Variants in ZNF407 observed in about 807,000 individuals in gnomAD.
ZNF407 encodes the protein zinc finger protein 407.
Under a neutral mutation model 131.2 loss-of-function variants are expected in ZNF407, and 17 were observed. The ratio of observed to expected loss-of-function variants is 0.13; its 90% CI spans 0.09 to 0.19. The LOEUF is 0.19. Among genes scored for constraint, ZNF407 ranks in the 10% least tolerant of loss-of-function variants. The pLI, the probability that ZNF407 is intolerant of heterozygous loss-of-function variation, is 1.00. For synonymous variants in ZNF407, 1,156 were observed against 1,062.0 expected (o/e 1.09, Z -1.72); for missense variants, 2,681 against 2,830.6 (o/e 0.95, Z 1.20).
rs767134314 is a variant in ZNF407 at position 74,631,519 on chromosome 18, C to T, written c.500C>T (p.Pro167Leu). ...MVSLDLERES[P>L]FPPKEISVSC... is the part of the protein sequence containing the mutation. ...TCCCTTGATCTGGAAAGAGAATCTC[C>T]TTTCCCCCCGAAAGAAATTAGTGTT... The change falls in exon 2 of 9, where the codon CCT becomes CTT. Residue 167 changes from proline (P) to leucine (L), a missense_variant. This residue lies in a region of ZNF407 where 1,789 missense variants were observed against 1,748.7 expected (regional missense o/e 1.02). Transcript: ENST00000299687. 4.3e-6 allele frequency: 7 copies of T among 1,613,726 alleles called. No individual in the cohort carries two copies. Among genetic ancestry groups the T allele is most frequent in the Admixed American group, 1.7e-5 (1 of 60,008 alleles).
At chr18:74,958,615 A>G (rs1972304039) in intron 8 of ZNF407, among the ~76,000 whole-genome samples, 10 of 152,206 alleles carry the variant, frequency 6.6e-5, no homozygotes, top group Admixed American at 6.5e-4. Flanking sequence ...CACCTGAGAC[A>G]CAAGCTATGC....
At chr18:74,929,227 T>C (rs987299505) in intron 8 of ZNF407, among the ~76,000 whole-genome samples, 26 of 152,206 alleles carry the variant, frequency 1.7e-4, no homozygotes, top group African/African-American at 6.0e-4. Context: ...ATGGCCTGTA[T>C]GATTCGAGCC....
intron 3 of ZNF407, among the ~76,000 whole-genome samples, chr18:74,755,769 C>CTTTCTTTCTTTCTTTCTTTCTT (rs1555684098): frequency 8.4e-6 from 1 of 119,148 alleles, no homozygotes; most frequent in Non-Finnish European, 1.6e-5. Flanking sequence ...TTCTTTCTTT[C>CTTTCTTTCTTTCTTTCTTTCTT]TTTCTCTCTC....
At chr18:75,028,247 C>T (rs919092716) in intron 8 of ZNF407, among the ~76,000 whole-genome samples, 1 of 152,170 alleles carries the variant, frequency 6.6e-6, no homozygotes, top group East Asian at 1.9e-4. Context: ...ATTTTCTCAT[C>T]GTTTCGGAGG....
chr18:74,721,339 A>G lies in ZNF407; in HGVS notation c.4803-60089A>G, dbSNP rs558425127. On this transcript the variant is annotated intron_variant, in intron 3 of 8. Transcript: ENST00000299687. ...GTAGACATACTTCTGGAACAAGACA[A>G]CGATGCCCACTCTTACCTCCCATAT... Among the ~76,000 whole-genome samples, 10 of 152,278 alleles carry G rather than the reference A, an allele frequency of 6.6e-5. 1 individual carries two copies. Among genetic ancestry groups the G allele is most frequent in the African/African-American group, 1.9e-4 (8 of 41,566 alleles).
intron 3 of ZNF407, among the ~76,000 whole-genome samples, chr18:74,738,345 G>C (rs1322199460): frequency 7.0e-6 from 1 of 143,880 alleles, no homozygotes; most frequent in Non-Finnish European, 1.5e-5. Flanking sequence ...GCTTGAACCC[G>C]GGAGGCGGAG....
intron 4 of ZNF407, among the ~76,000 whole-genome samples, chr18:74,870,689 A>G (rs1488626790): frequency 6.6e-6 from 1 of 152,218 alleles, no homozygotes; most frequent in Non-Finnish European, 1.5e-5. Context: ...ACACGTACAC[A>G]CACAAATGTT....
rs773847973 is a variant in ZNF407 at position 74,633,759 on chromosome 18, A to G, written c.2740A>G (p.Lys914Glu). Residue 914 changes from lysine to glutamate, a missense_variant, in exon 2 of 9, where the codon AAA becomes GAA. Coordinates refer to ENST00000299687, the MANE Select transcript of ZNF407 (RefSeq NM_017757.3). ...KGRVEIEASG[K>E]HSSDIIVGPE... Reference sequence around the variant, plus strand: ...ACGGGTAGAAATAGAAGCAAGTGGAAAACACAGTTCAGATATCATTGTTGG... The same window carrying G: ...ACGGGTAGAAATAGAAGCAAGTGGAGAACACAGTTCAGATATCATTGTTGG... 17 of 1,613,908 alleles carry G rather than the reference A, an allele frequency of 1.1e-5. No individual in the cohort carries two copies. The Admixed American group carries it at 2.8e-4, about 27-fold the overall frequency.
chr18:74,784,223 G>T (rs1969662534), intron 4 of ZNF407, among the ~76,000 whole-genome samples: 1 of 152,160 alleles, frequency 6.6e-6, no homozygotes, highest in African/African-American at 2.4e-5. Flanking sequence ...CTCCAGGACA[G>T]TATAATCAGT....
At chr18:74,787,003 C>T (rs1377788807) in intron 4 of ZNF407, among the ~76,000 whole-genome samples, 1 of 151,776 alleles carries the variant, frequency 6.6e-6, no homozygotes, top group African/African-American at 2.4e-5. Flanking sequence ...GACGGGGTTT[C>T]ATCATGTTGG....
At chr18:75,053,738 C>T (rs1398530070) in intron 8 of ZNF407, among the ~76,000 whole-genome samples, 3 of 152,198 alleles carry the variant, frequency 2.0e-5, no homozygotes, top group South Asian at 4.1e-4. Flanking sequence ...GCGTCCAGTC[C>T]GCCCACTCGG....
intron 8 of ZNF407, among the ~76,000 whole-genome samples, chr18:74,981,316 C>G (rs1196690384): frequency 6.6e-6 from 1 of 152,214 alleles, no homozygotes; most frequent in Non-Finnish European, 1.5e-5. Flanking sequence ...GAAAGTGCGT[C>G]TAGGAGTGAG....
intron 7 of ZNF407, among the ~76,000 whole-genome samples, chr18:74,907,037 A>G (rs1971605832): frequency 6.6e-6 from 1 of 152,224 alleles, no homozygotes; most frequent in Non-Finnish European, 1.5e-5. Flanking sequence ...GCACACACAT[A>G]CCGTATGTGT....
intron 7 of ZNF407, among the ~76,000 whole-genome samples, chr18:74,909,151 T>TA (rs1971635813): frequency 6.6e-6 from 1 of 151,694 alleles, no homozygotes; most frequent in Non-Finnish European, 1.5e-5. Context: ...CATACCTGCC[T>TA]AATTAACTTT....
intron 4 of ZNF407, among the ~76,000 whole-genome samples, chr18:74,846,418 C>T (rs1023071915): frequency 3.1e-4 from 47 of 151,772 alleles, no homozygotes; most frequent in African/African-American, 1.1e-3. Context: ...CGGCTCACTG[C>T]ACCCTCTGCC....
chr18:74,926,498 T>C (rs1267973824), intron 8 of ZNF407, among the ~76,000 whole-genome samples: 2 of 152,234 alleles, frequency 1.3e-5, no homozygotes, highest in Non-Finnish European at 2.9e-5. Context: ...AACTTTCTAA[T>C]GACACATTTT....
chr18:75,064,156 C>A lies in ZNF407; in HGVS notation c.6435C>A (p.Ile2145=), dbSNP rs768155487. 11 of 1,604,534 alleles carry A rather than the reference C, an allele frequency of 6.9e-6. No homozygotes were observed. In the African/African-American group the frequency reaches 1.5e-4, roughly 21 times the overall value. ...AGTCCGACGGGGAGATCTCGCAGAT[C>A]ATCGTGACGGAGGAGCTGGTCCAGG... ...LVESDGEISQ[I]IVTEELVQAM... Residue 2145 remains isoleucine (I), a synonymous_variant, in exon 9 of 9, where the codon ATC becomes ATA. Coordinates refer to ENST00000299687, the MANE Select transcript of ZNF407 (RefSeq NM_017757.3).
intron 6 of ZNF407, among the ~76,000 whole-genome samples, chr18:74,886,451 C>T (rs543170537): frequency 1.3e-5 from 2 of 152,224 alleles, no homozygotes; most frequent in South Asian, 2.1e-4. Flanking sequence ...TATGAAGGCT[C>T]AGAGAAGGTT....
In ZNF407 at chr18:75,063,265, G is replaced by A; in HGVS notation, c.5544G>A (p.Lys1848=). The change falls in exon 9 of 9, where the codon AAG becomes AAA. Residue 1848 remains lysine, a synonymous_variant. Coordinates refer to ENST00000299687, the MANE Select transcript of ZNF407 (RefSeq NM_017757.3). The surrounding 1 kb of genome is among the most constrained non-coding windows in gnomAD (Gnocchi z 6.6). ...CAGAAGAGCCCCTCGTCAAGGAGAA[G>A]CCCCTCAGAAGCAGCAGGAGGCCAG... ...ALAEEPLVKE[K]PLRSSRRPAP... is the part of the protein sequence containing the mutation. 1.2e-6 allele frequency: 2 copies of A among 1,613,668 alleles called. No homozygotes were observed. Among genetic ancestry groups the A allele is most frequent in the Non-Finnish European group, 1.7e-6 (2 of 1,179,864 alleles).
Sources: allele counts gnomAD v4.1 joint callset (sites outside exome capture counted in the v4.1 genomes callset), GRCh38; gene constraint gnomAD v4.1.1; regional missense constraint gnomAD v4.1.1; non-coding constraint Gnocchi (gnomAD v3.1); transcripts MANE v1.5; gene names NCBI Gene and HGNC (gene_info 2026-07-23, HGNC 2026-07-21).